Variants in CDKAL1 observed in about 807,000 individuals in gnomAD.
CDKAL1 encodes threonylcarbamoyladenosine tRNA methylthiotransferase.
CDKAL1 carries 32 observed loss-of-function variants against 68.2 expected under a neutral mutation model. The ratio of observed to expected loss-of-function variants is 0.47; its 90% CI spans 0.35 to 0.63. The LOEUF is 0.63. CDKAL1 is among the 30% of genes least tolerant of loss of function. CDKAL1 has a pLI of 0.00. For missense variants in CDKAL1, 606 were observed against 696.7 expected, an observed-to-expected ratio of 0.87 and a Z score of 1.47; for synonymous variants, 234 against 244.3, an observed-to-expected ratio of 0.96 and a Z score of 0.39.
intron 6 of CDKAL1, among the ~76,000 whole-genome samples, chr6:20,743,206 C>T (rs1773531994): frequency 6.6e-6 from 1 of 152,114 alleles, no homozygotes; most frequent in Admixed American, 6.6e-5. Flanking sequence ...GCTATTCCTT[C>T]ACAAAATTTC....
intron 9 of CDKAL1, among the ~76,000 whole-genome samples, chr6:20,870,002 G>C (rs960382745): frequency 1.3e-5 from 2 of 152,142 alleles, no homozygotes; most frequent in South Asian, 2.1e-4. Context: ...CTGAGTGCTT[G>C]AACACCTTTC....
In CDKAL1 at chr6:21,127,986, T is replaced by G. The variant is rs145121743; in HGVS notation, c.1299+19523T>G. Among the ~76,000 whole-genome samples, 934 of 152,346 alleles carry G rather than the reference T, an allele frequency of 6.1e-3. 9 individuals are homozygous for G. Among genetic ancestry groups the G allele is most frequent in the African/African-American group, 0.021 (887 of 41,574 alleles). On this transcript the variant is annotated intron_variant, in intron 13 of 15. Transcript: ENST00000274695. Reference sequence around the variant, plus strand: ...GGTTTTGTTTTCTGCTAGATGCAGATGTAAGTAATACATCTCAAAGTTTGT... The same window carrying G: ...GGTTTTGTTTTCTGCTAGATGCAGAGGTAAGTAATACATCTCAAAGTTTGT...
chr6:20,597,146 T>C (rs890566444), intron 4 of CDKAL1, among the ~76,000 whole-genome samples: 13 of 152,190 alleles, frequency 8.5e-5, no homozygotes, highest in South Asian at 2.1e-4. Flanking sequence ...TTTTATTTTT[T>C]CAGACGGAGT....
At chr6:20,991,481 G>T (rs1315304571) in intron 10 of CDKAL1, among the ~76,000 whole-genome samples, 1 of 152,020 alleles carries the variant, frequency 6.6e-6, no homozygotes, top group East Asian at 1.9e-4. Flanking sequence ...GCAGACGTGG[G>T]TGGGTCATTT....
chr6:21,004,422 T>G (rs765882270), intron 11 of CDKAL1, among the ~76,000 whole-genome samples: 29 of 152,322 alleles, frequency 1.9e-4, no homozygotes, highest in Non-Finnish European at 3.5e-4. Flanking sequence ...ATTTATTAAA[T>G]CATGCAACCT....
intron 11 of CDKAL1, 102 bp downstream of exon 11, chr6:21,000,474 A>G: frequency 9.8e-7 from 1 of 1,023,814 alleles, no homozygotes; most frequent in Non-Finnish European, 1.4e-6. Context: ...GGTACAAGAG[A>G]GAAGGCGAGA....
intron 13 of CDKAL1, among the ~76,000 whole-genome samples, chr6:21,162,138 A>G (rs1433509357): frequency 6.6e-6 from 1 of 152,192 alleles, no homozygotes; most frequent in Non-Finnish European, 1.5e-5. Flanking sequence ...AACTCCAGAA[A>G]TGTGAGTGAA....
chr6:21,077,734 C>T (rs1008749190), intron 12 of CDKAL1, among the ~76,000 whole-genome samples: 2 of 152,218 alleles, frequency 1.3e-5, no homozygotes, highest in Non-Finnish European at 2.9e-5. Context: ...TCACCAGGTC[C>T]CTTCTTCAAC....
At chr6:20,986,884 T>C (rs966233840) in intron 10 of CDKAL1, among the ~76,000 whole-genome samples, 2 of 152,208 alleles carry the variant, frequency 1.3e-5, no homozygotes, top group East Asian at 3.8e-4. Flanking sequence ...GAGTTTACTA[T>C]GCATGCAAAA....
chr6:21,181,696 G>A (rs1228505450), intron 13 of CDKAL1, among the ~76,000 whole-genome samples: 1 of 152,180 alleles, frequency 6.6e-6, no homozygotes, highest in East Asian at 1.9e-4. Context: ...TTCTTAGTCA[G>A]TATTTTGATA....
At chr6:21,068,359 GCA>G in intron 12 of CDKAL1, among the ~76,000 whole-genome samples, 1 of 152,106 alleles carries the variant, frequency 6.6e-6, no homozygotes, top group South Asian at 2.1e-4. Context: ...CTTTAAATCT[GCA>G]GTCCAATTGG....
chr6:20,550,431 C>T (rs956964763), intron 4 of CDKAL1, among the ~76,000 whole-genome samples: 79 of 152,192 alleles, frequency 5.2e-4, no homozygotes, highest in African/African-American at 1.7e-3. Context: ...TTCAGCATGC[C>T]GGCATCTTTT....
At chr6:21,001,737 G>T (rs1219946001) in intron 11 of CDKAL1, among the ~76,000 whole-genome samples, 1 of 152,086 alleles carries the variant, frequency 6.6e-6, no homozygotes, top group Non-Finnish European at 1.5e-5. Flanking sequence ...ATTATTGCAG[G>T]CAAATTTGTC....
At chr6:21,037,383 A>G (rs9295488) in intron 11 of CDKAL1, among the ~76,000 whole-genome samples, 42,134 of 152,078 alleles carry the variant, frequency 0.28, 6,125 homozygotes, top group South Asian at 0.36. Flanking sequence ...ATTTTAAAGC[A>G]CCATTTTATT....
At chr6:20,736,668 A>T (rs1329870582) in intron 5 of CDKAL1, among the ~76,000 whole-genome samples, 1 of 151,832 alleles carries the variant, frequency 6.6e-6, no homozygotes, top group African/African-American at 2.4e-5. Flanking sequence ...GCTACTCCGG[A>T]GGCTGAGGCA....
intron 9 of CDKAL1, among the ~76,000 whole-genome samples, chr6:20,930,353 A>G (rs1763383076): frequency 6.6e-6 from 1 of 151,842 alleles, no homozygotes; most frequent in South Asian, 2.1e-4. Flanking sequence ...GCCAAGCTCT[A>G]TTTCTGTGCT....
At chr6:20,644,401 G>A (rs1291816615) in intron 4 of CDKAL1, among the ~76,000 whole-genome samples, 1 of 152,136 alleles carries the variant, frequency 6.6e-6, no homozygotes, top group Non-Finnish European at 1.5e-5. Context: ...CTCCTGGCCA[G>A]GCGTGGTGGC....
At position 20,808,503 on chromosome 6, in the gene CDKAL1, C is replaced by T. The variant is rs190770971; in HGVS notation, c.638+27238C>T. On this transcript the variant is annotated intron_variant, in intron 8 of 15. Coordinates refer to ENST00000274695, the MANE Select transcript of CDKAL1 (RefSeq NM_017774.3). ...GGTTGATGGAAACAGGGAGAGATGA[C>T]GCCCACAGTTCCTGGCTGGAGCATT... is the stretch of plus-strand genomic sequence containing the variant. 2.0e-3 allele frequency among the ~76,000 whole-genome samples: 301 copies of T among 152,122 alleles called. 1 individual carries two copies. Among genetic ancestry groups the T allele is most frequent in the African/African-American group, 6.5e-3 (271 of 41,498 alleles).
At chr6:20,776,132 C>T (rs1456950475) in intron 7 of CDKAL1, among the ~76,000 whole-genome samples, 1 of 152,132 alleles carries the variant, frequency 6.6e-6, no homozygotes, top group Non-Finnish European at 1.5e-5. Context: ...AATAATTTAT[C>T]AAATGTTATT....
Sources: allele counts gnomAD v4.1 joint callset (sites outside exome capture counted in the v4.1 genomes callset), GRCh38; gene constraint gnomAD v4.1.1; transcripts MANE v1.5; gene names NCBI Gene and HGNC (gene_info 2026-07-23, HGNC 2026-07-21).